The following ZBTB7C variants were observed in gnomAD, a reference collection of about 807,000 sequenced individuals.
The protein encoded by ZBTB7C is zinc finger and BTB domain containing 7C.
ZBTB7C carries 8 observed loss-of-function variants against 25.7 expected under a neutral mutation model. The observed-to-expected ratio is 0.31, with a 90% confidence interval of 0.18 to 0.56. The LOEUF is 0.56. ZBTB7C is among the 20% of genes least tolerant of loss of function. The pLI, the probability that ZBTB7C is intolerant of heterozygous loss-of-function variation, is 0.91. For synonymous variants in ZBTB7C, 394 were observed against 369.0 expected, an observed-to-expected ratio of 1.07 and a Z score of -0.78; for missense variants, 824 against 855.2, an observed-to-expected ratio of 0.96 and a Z score of 0.46.
Position 48,382,773 on chromosome 18 carries a change from C to T in ZBTB7C, c.-304+26453G>A, listed in dbSNP as rs548935312. On this transcript the variant is annotated intron_variant, in intron 1 of 4. Transcript: ENST00000590800. ...AACACTTAAATTCTTTGCTTATATA[C>T]AGATTAGGTTAGGACAAACTATACT... Among the ~76,000 whole-genome samples the T allele has an allele frequency of 7.9e-5, 12 of 152,268 alleles. No homozygotes were observed. The East Asian group carries it at 2.3e-3, about 29-fold the overall frequency.
chr18:48,356,204 G>A (rs62086519), intron 1 of ZBTB7C, among the ~76,000 whole-genome samples: 6,647 of 152,212 alleles, frequency 0.044, 203 homozygotes, highest in Non-Finnish European at 0.061. Flanking sequence ...TCATCTTGTC[G>A]GACTGTTACA....
chr18:48,152,102 A>G (rs899062692), intron 3 of ZBTB7C, among the ~76,000 whole-genome samples: 1 of 152,050 alleles, frequency 6.6e-6, no homozygotes, highest in Non-Finnish European at 1.5e-5. Context: ...GTGCACACCT[A>G]ATCAGCCATG....
chr18:48,095,466 C>T (rs1055107445), intron 3 of ZBTB7C, among the ~76,000 whole-genome samples: 1 of 152,186 alleles, frequency 6.6e-6, no homozygotes, highest in South Asian at 2.1e-4. Flanking sequence ...AATCCCAGCA[C>T]TTTGGGAGGC....
Position 48,309,580 on chromosome 18 carries a change from G to GT in ZBTB7C, c.-79+28593dup, listed in dbSNP as rs573263726. On this transcript the variant is annotated intron_variant, in intron 2 of 4. Transcript: ENST00000590800. ...GGAATTTCACAGACCTATACGATAT[G>GT]TTTTTAAAAGGAAACGGTACCAAAT... 6.4e-4 allele frequency among the ~76,000 whole-genome samples: 98 copies of GT among 152,252 alleles called. No homozygotes were observed. The South Asian group carries it at 0.019, about 30-fold the overall frequency.
chr18:48,248,965 G>A (rs1489042573), intron 2 of ZBTB7C, among the ~76,000 whole-genome samples: 1 of 151,948 alleles, frequency 6.6e-6, no homozygotes, highest in Non-Finnish European at 1.5e-5. Flanking sequence ...AAAACACCAA[G>A]ACCATAACAA....
chr18:48,161,132 G>C (rs1387990301), intron 3 of ZBTB7C, among the ~76,000 whole-genome samples: 2 of 151,678 alleles, frequency 1.3e-5, no homozygotes, highest in Non-Finnish European at 2.9e-5. Context: ...AGGAGGTGGG[G>C]GGGACCCAGA....
chr18:48,073,268 G>A (rs1459088791), intron 3 of ZBTB7C, among the ~76,000 whole-genome samples: 3 of 152,094 alleles, frequency 2.0e-5, no homozygotes, highest in African/African-American at 7.2e-5. Context: ...AAGTCTAGGG[G>A]AAAGAAACCC....
chr18:48,167,563 G>GGTGTGTGTGTGTGTGT (rs748451365), intron 3 of ZBTB7C, among the ~76,000 whole-genome samples: 8 of 142,578 alleles, frequency 5.6e-5, no homozygotes, highest in East Asian at 2.1e-4. Context: ...GCATTGCTAG[G>GGTGTGTGTGTGTGTGT]GTGTGTGTGT....
chr18:48,041,215 A>G (rs2036229567), intron 3 of ZBTB7C, 92 bp from the exon 4 acceptor site: 1 of 1,461,404 alleles, frequency 6.8e-7, no homozygotes, highest in African/African-American at 1.4e-5. Flanking sequence ...TCCTTGGCAT[A>G]AGGGCTCCCT....
rs186232280 is a variant in ZBTB7C, at chr18:48,126,416, C to A, written c.-17+59518G>T. Among the ~76,000 whole-genome samples, 596 of 152,322 alleles carry A rather than the reference C, an allele frequency of 3.9e-3. 2 individuals carry two copies. The highest frequency in any genetic ancestry group is 6.3e-3 in the Non-Finnish European group (431 of 68,018). ...TATGAGAGCGGCGCTCTGAGGACAG[C>A]CCTAGACAGTGTGACCCCCAGTGGC... On this transcript the variant is annotated intron_variant, in intron 3 of 4. Coordinates refer to ENST00000590800, the MANE Select transcript of ZBTB7C (RefSeq NM_001318841.2).
chr18:48,283,791 A>T (rs1044538243), intron 2 of ZBTB7C, among the ~76,000 whole-genome samples: 1 of 152,174 alleles, frequency 6.6e-6, no homozygotes, highest in East Asian at 1.9e-4. Flanking sequence ...GCTGCAAAGG[A>T]GACTCAGCTG....
chr18:48,117,427 G>A (rs1359707220), intron 3 of ZBTB7C, among the ~76,000 whole-genome samples: 1 of 152,176 alleles, frequency 6.6e-6, no homozygotes, highest in Non-Finnish European at 1.5e-5. Flanking sequence ...CTGAGAGGCA[G>A]CCTGCCACAG....
Position 48,190,774 on chromosome 18 carries a change from C to A in ZBTB7C, c.-78-4779G>T, listed in dbSNP as rs199539696. Among the ~76,000 whole-genome samples the A allele has an allele frequency of 2.0e-5, 3 of 152,336 alleles. No homozygotes were observed. In the East Asian group the frequency reaches 5.8e-4, roughly 29 times the overall value. On this transcript the variant is annotated intron_variant, in intron 2 of 4. Transcript: ENST00000590800. ...AGTGCAGAGCCCACTGCAGACACAG[C>A]CTTGCTGTCCATGGCCTTTGTGCCC...
intron 2 of ZBTB7C, among the ~76,000 whole-genome samples, chr18:48,226,232 T>G (rs2043088227): frequency 1.3e-5 from 2 of 152,234 alleles, no homozygotes; most frequent in Non-Finnish European, 1.5e-5. Flanking sequence ...GGCTATTTAT[T>G]ACATAGCAAT....
chr18:48,273,661 C>G (rs946667535), intron 2 of ZBTB7C, among the ~76,000 whole-genome samples: 5 of 151,698 alleles, frequency 3.3e-5, no homozygotes, highest in African/African-American at 1.2e-4. Context: ...AGGAAAGGAT[C>G]AGAATAAAAT....
At chr18:48,244,212 G>C (rs779451457) in intron 2 of ZBTB7C, among the ~76,000 whole-genome samples, 2 of 152,258 alleles carry the variant, frequency 1.3e-5, no homozygotes, top group East Asian at 3.9e-4. Context: ...TCAGGAGATC[G>C]AGACCACTCT....
chr18:48,238,378 G>A lies in ZBTB7C; in HGVS notation c.-78-52383C>T, dbSNP rs189427577. Among the ~76,000 whole-genome samples the A allele has an allele frequency of 1.1e-3, 163 of 152,284 alleles. 1 individual carries two copies. The highest frequency in any genetic ancestry group is 3.8e-3 in the African/African-American group (157 of 41,562). ...CAAGAACTACCACAGGAACATACCA[G>A]GAAAACCAAAAGAATTCAAAGACCT... On this transcript the variant is annotated intron_variant, in intron 2 of 4. Transcript: ENST00000590800.
intron 3 of ZBTB7C, among the ~76,000 whole-genome samples, chr18:48,056,982 C>T (rs2036937312): frequency 6.8e-6 from 1 of 146,472 alleles, no homozygotes; most frequent in Non-Finnish European, 1.5e-5. Context: ...GGGCTAATTT[C>T]CTTTATATAG....
At chr18:48,387,356 C>T (rs1263304766) in intron 1 of ZBTB7C, among the ~76,000 whole-genome samples, 1 of 152,176 alleles carries the variant, frequency 6.6e-6, no homozygotes, top group Admixed American at 6.5e-5. Flanking sequence ...GAATGTACTG[C>T]ATTAATCTAC....
Sources: allele counts gnomAD v4.1 joint callset (sites outside exome capture counted in the v4.1 genomes callset), GRCh38; gene constraint gnomAD v4.1.1; transcripts MANE v1.5; gene names NCBI Gene and HGNC (gene_info 2026-07-23, HGNC 2026-07-21).